The following LRRC31 variants were observed in gnomAD, a reference collection of about 807,000 sequenced individuals.
LRRC31 encodes the protein leucine rich repeat containing 31, also known as leucine-rich repeat-containing protein 31.
In LRRC31, 35 loss-of-function variants were observed where a neutral mutation model predicts 46.7. The observed-to-expected ratio is 0.75, with a 90% confidence interval of 0.57 to 0.99. The LOEUF (loss-of-function observed/expected upper bound fraction) is 0.99. LRRC31 is among the 50% of genes least tolerant of loss of function. LRRC31 has a pLI of 0.00. For missense variants in LRRC31, 613 were observed against 626.1 expected (o/e 0.98, Z 0.22); for synonymous variants, 236 against 235.1 (o/e 1.00, Z -0.03).
chr3:169,842,228 CATTA>C (rs1426610820), intron 8 of LRRC31, among the ~76,000 whole-genome samples: 1 of 151,848 alleles, frequency 6.6e-6, no homozygotes, highest in Non-Finnish European at 1.5e-5. Context: ...AAATAAATGC[CATTA>C]ATTATTTTTA....
chr3:169,866,213 C>A (rs541986309), intron 1 of LRRC31, among the ~76,000 whole-genome samples: 1 of 152,174 alleles, frequency 6.6e-6, no homozygotes, highest in East Asian at 1.9e-4. Context: ...AGCAGAGAAA[C>A]CAGTTAGGAA....
In LRRC31 at chr3:169,861,788, T is replaced by C. The variant is rs762455761; in HGVS notation, c.201A>G (p.Glu67=). The change falls in exon 2 of 9, where the codon GAA becomes GAG. Residue 67 remains glutamate, a synonymous_variant. Coordinates refer to ENST00000316428, the MANE Select transcript of LRRC31 (RefSeq NM_024727.4). The part of the protein sequence containing the change: ...ETAKPLSSEM[E]WRSSMEKNEH... ...CATTTTTCTCCATACTGGATCTCCA[T>C]TCCATTTCTGAACTGAGAGGCTTAG... 4.3e-6 allele frequency: 7 copies of C among 1,614,034 alleles called. No homozygotes were observed. Among genetic ancestry groups the C allele is most frequent in the Admixed American group, 1.7e-5 (1 of 60,000 alleles).
At chr3:169,851,930 A>C in intron 6 of LRRC31, 144 bp from the exon 7 acceptor site, 1 of 718,440 alleles carries the variant, frequency 1.4e-6, no homozygotes. Flanking sequence ...ACCCCAAACC[A>C]GCCTCTTCCC....
intron 8 of LRRC31, among the ~76,000 whole-genome samples, chr3:169,842,860 A>G (rs950348458): frequency 5.3e-5 from 8 of 152,222 alleles, no homozygotes; most frequent in African/African-American, 1.9e-4. Context: ...CATTAAATAA[A>G]ATAACTTAAA....
chr3:169,847,220 C>T (rs1307744068), intron 8 of LRRC31, among the ~76,000 whole-genome samples: 1 of 152,206 alleles, frequency 6.6e-6, no homozygotes, highest in African/African-American at 2.4e-5. Context: ...AGTTTCGCCC[C>T]TGCTGCCCAG....
At chr3:169,868,620 G>C (rs1284438494) in intron 1 of LRRC31, among the ~76,000 whole-genome samples, 1 of 152,104 alleles carries the variant, frequency 6.6e-6, no homozygotes, top group Admixed American at 6.5e-5. Flanking sequence ...CATATGAAAA[G>C]AAAAGACTGA....
rs962205047 is a variant in LRRC31 at position 169,865,643 on chromosome 3, G to A, written c.176-3830C>T. Among the ~76,000 whole-genome samples, 7 of 152,312 alleles carry A rather than the reference G, an allele frequency of 4.6e-5. No homozygotes were observed. In the East Asian group the frequency reaches 1.3e-3, roughly 29 times the overall value. The stretch of plus-strand genomic sequence containing the variant: ...GCCTGTTTAATGAAAGAGACAGCAA[G>A]AAAGCCACCGTTACCGTATAGATGA... On this transcript the variant is annotated intron_variant, in intron 1 of 8. Transcript: ENST00000316428.
chr3:169,842,063 A>G (rs1206444701), intron 8 of LRRC31, among the ~76,000 whole-genome samples: 1 of 152,108 alleles, frequency 6.6e-6, no homozygotes, highest in Non-Finnish European at 1.5e-5. Flanking sequence ...ATAAAATAAA[A>G]TACATAAATA....
At chr3:169,849,960 T>A (rs2108206562) in intron 7 of LRRC31, among the ~76,000 whole-genome samples, 1 of 152,292 alleles carries the variant, frequency 6.6e-6, no homozygotes, top group East Asian at 1.9e-4. Context: ...GATAGCAGCA[T>A]CAGGCCTGCT....
chr3:169,864,059 A>G (rs1385815996), intron 1 of LRRC31, among the ~76,000 whole-genome samples: 3 of 151,610 alleles, frequency 2.0e-5, no homozygotes, highest in Non-Finnish European at 2.9e-5. Context: ...ATTTCTCTGC[A>G]TTGCATCTTA....
At chr3:169,866,708 C>G (rs1403591281) in intron 1 of LRRC31, among the ~76,000 whole-genome samples, 1 of 152,076 alleles carries the variant, frequency 6.6e-6, no homozygotes, top group African/African-American at 2.4e-5. Context: ...GCCTGTAATC[C>G]CAGTACTTTG....
At chr3:169,862,128 GA>G (rs1395916719) in intron 1 of LRRC31, among the ~76,000 whole-genome samples, 2 of 152,210 alleles carry the variant, frequency 1.3e-5, no homozygotes, top group Non-Finnish European at 2.9e-5. Flanking sequence ...CGGCTTTTGA[GA>G]TGCTTGCTTA....
At chr3:169,861,094 G>A (rs1781137902) in intron 2 of LRRC31, among the ~76,000 whole-genome samples, 1 of 137,824 alleles carries the variant, frequency 7.3e-6, no homozygotes, top group Non-Finnish European at 1.5e-5. Context: ...TTTTTCAGAC[G>A]GAGTCTCGAT....
intron 5 of LRRC31, 140 bp downstream of exon 5, chr3:169,856,196 A>G: frequency 2.8e-6 from 1 of 351,588 alleles, no homozygotes; most frequent in Non-Finnish European, 4.4e-6. Context: ...AGGAGATTTC[A>G]ATTACCCATA....
intron 6 of LRRC31, chr3:169,853,487 G>C: frequency 6.1e-6 from 6 of 985,620 alleles, no homozygotes; most frequent in Non-Finnish European, 7.2e-6. Flanking sequence ...GAACAATTGA[G>C]GTTCTCCAGC....
At chr3:169,868,619 AGAAAAGACT>A (rs1781401978) in intron 1 of LRRC31, among the ~76,000 whole-genome samples, 1 of 152,252 alleles carries the variant, frequency 6.6e-6, no homozygotes, top group South Asian at 2.1e-4. Flanking sequence ...GCATATGAAA[AGAAAAGACT>A]GAAAAGAATC....
intron 1 of LRRC31, among the ~76,000 whole-genome samples, chr3:169,869,416 G>T (rs1781424230): frequency 6.6e-6 from 1 of 151,964 alleles, no homozygotes; most frequent in South Asian, 2.1e-4. Context: ...TAATGGGATT[G>T]TTTGTAACAC....
intron 3 of LRRC31, among the ~76,000 whole-genome samples, chr3:169,857,341 TATATACACACAC>T (rs1780989560): frequency 9.1e-6 from 1 of 110,116 alleles, no homozygotes; most frequent in African/African-American, 3.3e-5. Flanking sequence ...TATATATATA[TATATACACACAC>T]ACACACACAC....
intron 5 of LRRC31, 92 bp from the exon 6 acceptor site, chr3:169,855,072 C>G (rs1780901321): frequency 8.9e-7 from 1 of 1,123,252 alleles, no homozygotes; most frequent in Admixed American, 2.1e-5. Context: ...AGGAGGATTG[C>G]TTGAGCCCCG....
Sources: gnomAD v4.1 joint callset for allele counts (sites outside exome capture counted in the v4.1 genomes callset) on GRCh38, gnomAD v4.1.1 for gene constraint, MANE v1.5 for transcripts, NCBI Gene and HGNC (gene_info 2026-07-23, HGNC 2026-07-21) for gene names.